ZNF385D: variants seen among roughly 807,000 people sequenced by gnomAD.
The protein encoded by ZNF385D is zinc finger protein 659.
ZNF385D carries 15 observed loss-of-function variants against 35.8 expected under a neutral mutation model. The observed-to-expected ratio is 0.42, with a 90% CI of 0.28 to 0.64. The LOEUF (loss-of-function observed/expected upper bound fraction) is 0.64, where lower values mean the gene tolerates loss of function less well. ZNF385D is among the 30% of genes least tolerant of loss of function. The pLI, the probability that ZNF385D is intolerant of heterozygous loss-of-function variation, is 0.23. For missense variants in ZNF385D, 474 were observed against 494.6 expected, an observed-to-expected ratio of 0.96 and a Z score of 0.39; for synonymous variants, 212 against 186.8, an observed-to-expected ratio of 1.13 and a Z score of -1.10.
At chr3:22,115,454 T>C (rs564937445) in intron 3 of ZNF385D, among the ~76,000 whole-genome samples, 49 of 152,240 alleles carry the variant, frequency 3.2e-4, no homozygotes, top group African/African-American at 1.1e-3. Flanking sequence ...CAAATTATTT[T>C]ATGTCATACA....
chr3:21,548,241 CA>C (rs1415528527), intron 3 of ZNF385D, among the ~76,000 whole-genome samples: 2 of 152,174 alleles, frequency 1.3e-5, no homozygotes, highest in Non-Finnish European at 2.9e-5. Flanking sequence ...AAATATGCTG[CA>C]ACACCACCAC....
At chr3:22,196,216 G>A (rs1696402510) in intron 2 of ZNF385D, among the ~76,000 whole-genome samples, 1 of 151,998 alleles carries the variant, frequency 6.6e-6, no homozygotes, top group African/African-American at 2.4e-5. Context: ...TCGAATAGGT[G>A]GAAAACAGTT....
intron 3 of ZNF385D, among the ~76,000 whole-genome samples, chr3:21,983,130 C>CA (rs1358522427): frequency 6.7e-6 from 1 of 148,676 alleles, no homozygotes; most frequent in African/African-American, 2.5e-5. Context: ...GGAGTCCCTC[C>CA]TCCTCAATTT....
chr3:22,351,881 T>G (rs972875707), intron 2 of ZNF385D, among the ~76,000 whole-genome samples: 2 of 152,118 alleles, frequency 1.3e-5, no homozygotes, highest in African/African-American at 4.8e-5. Flanking sequence ...TCCTCCCAAA[T>G]ATAGAATGAA....
intron 2 of ZNF385D, among the ~76,000 whole-genome samples, chr3:21,608,016 TTTTTTTG>T (rs1380667836): frequency 1.0e-5 from 1 of 99,870 alleles, no homozygotes; most frequent in African/African-American, 3.2e-5. Context: ...TTTCTTCTTT[TTTTTTTG>T]TTTTTTTTTT....
At chr3:22,244,731 G>C (rs1043027878) in intron 2 of ZNF385D, among the ~76,000 whole-genome samples, 4 of 150,988 alleles carry the variant, frequency 2.6e-5, no homozygotes, top group Non-Finnish European at 5.9e-5. Flanking sequence ...CCAAATGCAG[G>C]TATTTAATGC....
chr3:22,075,115 T>C (rs1009524436), intron 3 of ZNF385D, among the ~76,000 whole-genome samples: 2 of 151,964 alleles, frequency 1.3e-5, no homozygotes, highest in Non-Finnish European at 2.9e-5. Context: ...TGGTATGGGA[T>C]TGGCCCAAGC....
At chr3:21,587,711 G>A (rs2125722066) in intron 2 of ZNF385D, among the ~76,000 whole-genome samples, 1 of 150,728 alleles carries the variant, frequency 6.6e-6, no homozygotes. Flanking sequence ...ACATAAGAGT[G>A]AATGATATGT....
At chr3:21,488,305 G>C (rs1053297183) in intron 4 of ZNF385D, among the ~76,000 whole-genome samples, 1 of 149,638 alleles carries the variant, frequency 6.7e-6, no homozygotes, top group Non-Finnish European at 1.5e-5. Flanking sequence ...AAGCATGCCA[G>C]GGTTTTAAAT....
Position 21,421,317 on chromosome 3 carries a change from G to C in ZNF385D, c.1085C>G (p.Ala362Gly). The C allele has an allele frequency of 1.2e-6, 2 of 1,613,986 alleles. No individual in the cohort carries two copies. Among genetic ancestry groups the C allele is most frequent in the South Asian group, 2.2e-5 (2 of 91,052 alleles). ...CGCGGAAGTCTGGAACAGTGTTGCTGCTGGAGCAGTTCGAAGACTGAAGGG... is the reference window on the plus strand; with the variant it reads ...CGCGGAAGTCTGGAACAGTGTTGCTCCTGGAGCAGTTCGAAGACTGAAGGG... ...SSPFSLRTAPAATLFQTSALP... is the reference protein window; with the variant it reads ...SSPFSLRTAPGATLFQTSALP... The change falls in exon 8 of 8, where the codon GCA (alanine) becomes GGA (glycine). Residue 362 changes from alanine to glycine, a missense_variant. Transcript: ENST00000281523.
intron 3 of ZNF385D, among the ~76,000 whole-genome samples, chr3:21,920,123 G>A (rs1245468927): frequency 6.6e-6 from 1 of 152,166 alleles, no homozygotes. Context: ...AAACAAAGAA[G>A]AATATGCAAC....
At chr3:21,463,428 G>A (rs955554971) in intron 4 of ZNF385D, among the ~76,000 whole-genome samples, 4 of 152,194 alleles carry the variant, frequency 2.6e-5, no homozygotes, top group Non-Finnish European at 5.9e-5. Context: ...AAGAGATAGA[G>A]AGCATGCACA....
intron 3 of ZNF385D, among the ~76,000 whole-genome samples, chr3:22,117,443 C>T (rs1702869850): frequency 2.0e-5 from 3 of 151,950 alleles, no homozygotes; most frequent in South Asian, 4.2e-4. Context: ...AAATTAAGAA[C>T]AGGCTTATCT....
intron 3 of ZNF385D, among the ~76,000 whole-genome samples, chr3:21,986,525 C>G (rs1694812796): frequency 7.2e-6 from 1 of 139,504 alleles, no homozygotes; most frequent in Non-Finnish European, 1.5e-5. Context: ...GCACTGTGGT[C>G]TGAGAGATAG....
chr3:22,085,091 T>G (rs1012139039), intron 3 of ZNF385D, among the ~76,000 whole-genome samples: 3 of 152,160 alleles, frequency 2.0e-5, no homozygotes, highest in Non-Finnish European at 4.4e-5. Context: ...TAGAGGGAAA[T>G]TTATAGCACT....
At chr3:22,049,756 G>T (rs997814031) in intron 3 of ZNF385D, among the ~76,000 whole-genome samples, 8 of 152,094 alleles carry the variant, frequency 5.3e-5, no homozygotes, top group South Asian at 2.1e-4. Context: ...CCATTGAAAT[G>T]ATATATTTTT....
intron 2 of ZNF385D, among the ~76,000 whole-genome samples, chr3:21,594,453 A>G (rs1273704636): frequency 1.3e-5 from 2 of 152,182 alleles, no homozygotes; most frequent in Non-Finnish European, 2.9e-5. Flanking sequence ...GAAAATGCCA[A>G]TCAACAGAAT....
At chr3:22,088,583 A>C (rs932413439) in intron 3 of ZNF385D, among the ~76,000 whole-genome samples, 2 of 152,198 alleles carry the variant, frequency 1.3e-5, no homozygotes, top group African/African-American at 4.8e-5. Flanking sequence ...CAACCAGAAG[A>C]GATCTAGTGG....
intron 3 of ZNF385D, among the ~76,000 whole-genome samples, chr3:21,777,229 C>A (rs572679640): frequency 6.6e-6 from 1 of 152,100 alleles, no homozygotes; most frequent in South Asian, 2.1e-4. Context: ...TAAATCCACT[C>A]TGACTCAAAC....
Sources: allele counts gnomAD v4.1 joint callset (sites outside exome capture counted in the v4.1 genomes callset), GRCh38; gene constraint gnomAD v4.1.1; transcripts MANE v1.5; gene names NCBI Gene and HGNC (gene_info 2026-07-23, HGNC 2026-07-21).